ARFGEF1: variants seen among roughly 807,000 people sequenced by gnomAD.
ARFGEF1 encodes brefeldin A-inhibited guanine nucleotide-exchange protein 1.
Under a neutral mutation model 231.0 loss-of-function variants are expected in ARFGEF1, and 42 were observed. That is an observed-to-expected ratio of 0.18 (90% CI 0.14 to 0.24). The LOEUF is 0.24. Ranked by LOEUF, ARFGEF1 falls within the 10% of genes least tolerant of loss-of-function variation. The probability of loss-of-function intolerance (pLI) is 1.00; values close to 1 mark genes in which losing one functional copy is unlikely to be tolerated. For synonymous variants in ARFGEF1, 710 were observed against 732.3 expected (o/e 0.97, Z 0.49); for missense variants, 1,345 against 2,192.0 (o/e 0.61, Z 7.72).
intron 1 of ARFGEF1, among the ~76,000 whole-genome samples, chr8:67,323,771 TCA>T (rs1807701336): frequency 6.6e-6 from 1 of 152,144 alleles, no homozygotes; most frequent in Admixed American, 6.6e-5. Flanking sequence ...ATTAACAGTC[TCA>T]CTGCCTGCAG....
chr8:67,290,368 G>A (rs1424822239), intron 6 of ARFGEF1, among the ~76,000 whole-genome samples: 1 of 152,040 alleles, frequency 6.6e-6, no homozygotes, highest in South Asian at 2.1e-4. Context: ...AGTCCATGTT[G>A]TTTCCTTGAT....
At chr8:67,222,323 T>C (rs1357478212) in intron 29 of ARFGEF1, among the ~76,000 whole-genome samples, 1 of 150,100 alleles carries the variant, frequency 6.7e-6, no homozygotes, top group African/African-American at 2.5e-5. Flanking sequence ...TGGAGTGCAG[T>C]GGTGCCATCT....
intron 5 of ARFGEF1, among the ~76,000 whole-genome samples, chr8:67,186,967 TATC>T (rs891781406): frequency 2.1e-5 from 3 of 139,978 alleles, no homozygotes; most frequent in African/African-American, 8.0e-5. Context: ...TAAATCTATC[TATC>T]ATCTATCTAT....
At chr8:67,264,751 C>A (rs139074163) in intron 14 of ARFGEF1, among the ~76,000 whole-genome samples, 1 of 152,282 alleles carries the variant, frequency 6.6e-6, no homozygotes, top group African/African-American at 2.4e-5. Context: ...GAGAGAAGGA[C>A]TGGGAGACTT....
chr8:67,297,439 CG>C (rs1380902657), intron 4 of ARFGEF1, among the ~76,000 whole-genome samples: 5 of 151,968 alleles, frequency 3.3e-5, no homozygotes, highest in Non-Finnish European at 5.9e-5. Context: ...AGTAGCTGGG[CG>C]TAAGTGCCAT....
At chr8:67,335,971 G>A (rs1026876094) in intron 1 of ARFGEF1, among the ~76,000 whole-genome samples, 3 of 151,940 alleles carry the variant, frequency 2.0e-5, no homozygotes, top group Non-Finnish European at 2.9e-5. Flanking sequence ...GGCTGGTCTC[G>A]AACGCCTGAC....
At chr8:67,301,033 T>A (rs932452648) in intron 3 of ARFGEF1, among the ~76,000 whole-genome samples, 191 bp downstream of exon 3, 4 of 152,240 alleles carry the variant, frequency 2.6e-5, no homozygotes, top group African/African-American at 9.6e-5. Context: ...TTAATGATTG[T>A]TAGTATTAAA....
intron 15 of ARFGEF1, 118 bp downstream of exon 15, chr8:67,259,697 C>T: frequency 1.6e-6 from 1 of 607,786 alleles, no homozygotes; most frequent in Non-Finnish European, 2.7e-6. Context: ...GGAGGATTGC[C>T]TGAGCCCAGG....
intron 5 of ARFGEF1, among the ~76,000 whole-genome samples, chr8:67,292,716 T>C (rs1447806655): frequency 6.6e-6 from 1 of 152,164 alleles, no homozygotes; most frequent in Non-Finnish European, 1.5e-5. Flanking sequence ...CATTATTATG[T>C]ATATAATACT....
chr8:67,323,028 G>C (rs913567151), intron 1 of ARFGEF1, among the ~76,000 whole-genome samples: 4 of 152,092 alleles, frequency 2.6e-5, no homozygotes, highest in African/African-American at 9.7e-5. Flanking sequence ...AGAGGGGGTG[G>C]ATAACCTGAG....
chr8:67,217,534 T>C (rs975178081), intron 32 of ARFGEF1, among the ~76,000 whole-genome samples: 13 of 152,186 alleles, frequency 8.5e-5, no homozygotes, highest in African/African-American at 2.9e-4. Context: ...GCAGAATCAC[T>C]TCATTATGTC....
downstream of ARFGEF1, chr8:67,174,550 C>T (rs1186620176): frequency 6.6e-6 from 1 of 151,606 alleles, no homozygotes; most frequent in Non-Finnish European, 1.5e-5. Flanking sequence ...ATCACGAGGT[C>T]AGGAGTTCAA....
At chr8:67,277,163 C>T in intron 8 of ARFGEF1, 119 bp downstream of exon 8, 3 of 1,044,354 alleles carry the variant, frequency 2.9e-6, no homozygotes, top group Non-Finnish European at 2.7e-6. Context: ...CTTATTTCCC[C>T]AAACTAAATA....
intron 27 of ARFGEF1, 29 bp from the exon 28 acceptor site, chr8:67,226,212 T>G: frequency 6.7e-7 from 1 of 1,484,434 alleles, no homozygotes; most frequent in East Asian, 2.5e-5. Context: ...TATATTACTA[T>G]AATTTTTCAA....
intron 1 of ARFGEF1, among the ~76,000 whole-genome samples, chr8:67,305,623 A>G (rs918446705): frequency 2.0e-5 from 3 of 152,184 alleles, no homozygotes. Flanking sequence ...CTGGGATTAC[A>G]GGTGTGAGCC....
intron 17 of ARFGEF1, among the ~76,000 whole-genome samples, chr8:67,257,236 A>G (rs1486488164): frequency 6.6e-6 from 1 of 152,102 alleles, no homozygotes; most frequent in Admixed American, 6.6e-5. Flanking sequence ...ACATGCCACC[A>G]TGCCCAGCTA....
chr8:67,181,041 G>C (rs200067368), intron 5 of ARFGEF1, among the ~76,000 whole-genome samples: 1 of 147,410 alleles, frequency 6.8e-6, no homozygotes, highest in Non-Finnish European at 1.5e-5. Flanking sequence ...TTTTTTTTTT[G>C]TTGTTGCTGT....
intron 1 of ARFGEF1, among the ~76,000 whole-genome samples, chr8:67,320,223 CAAAA>C (rs544834392): frequency 4.1e-3 from 187 of 45,238 alleles, no homozygotes; most frequent in African/African-American, 4.3e-3. Flanking sequence ...AACGCTATCT[CAAAA>C]AAAAAAAAAA....
At chr8:67,232,244 TG>T (rs2128874417) in intron 23 of ARFGEF1, among the ~76,000 whole-genome samples, 1 of 152,172 alleles carries the variant, frequency 6.6e-6, no homozygotes, top group South Asian at 2.1e-4. Flanking sequence ...GTTTCACTTT[TG>T]GGGGCATTTA....
Sources: allele counts gnomAD v4.1 joint callset (sites outside exome capture counted in the v4.1 genomes callset), GRCh38; gene constraint gnomAD v4.1.1; transcripts MANE v1.5; gene names NCBI Gene and HGNC (gene_info 2026-07-23, HGNC 2026-07-21).